The following ANO6 variants were observed in gnomAD, a reference collection of about 807,000 sequenced individuals.
ANO6 encodes the protein anoctamin-6.
In ANO6, 106 loss-of-function variants were observed where a neutral mutation model predicts 117.5. That is an observed-to-expected ratio of 0.90 (90% CI 0.77 to 1.06). The LOEUF (loss-of-function observed/expected upper bound fraction) is 1.06, where lower values mean the gene tolerates loss of function less well. ANO6 is among the 50% of genes least tolerant of loss of function. The probability of loss-of-function intolerance (pLI) is 0.00; values close to 1 mark genes in which losing one functional copy is unlikely to be tolerated. For synonymous variants in ANO6, 367 were observed against 385.1 expected, an observed-to-expected ratio of 0.95 and a Z score of 0.55; for missense variants, 955 against 1,121.1, an observed-to-expected ratio of 0.85 and a Z score of 2.12.
chr12:45,284,848 GAAACCAC>G (rs1361471807), intron 1 of ANO6, among the ~76,000 whole-genome samples: 1 of 152,314 alleles, frequency 6.6e-6, no homozygotes, highest in East Asian at 1.9e-4. Context: ...GGCCTCAGAT[GAAACCAC>G]AAAGGACCAG....
intron 6 of ANO6, among the ~76,000 whole-genome samples, chr12:45,350,316 G>A (rs769374842): frequency 6.6e-6 from 1 of 152,072 alleles, no homozygotes; most frequent in Non-Finnish European, 1.5e-5. Flanking sequence ...TGTTCCTCTG[G>A]TGTGGTGATT....
intron 1 of ANO6, among the ~76,000 whole-genome samples, chr12:45,236,859 T>C (rs961297443): frequency 1.3e-5 from 2 of 152,224 alleles, no homozygotes; most frequent in African/African-American, 4.8e-5. Context: ...TGTAAAAGTA[T>C]TCCTATTTCT....
At chr12:45,241,338 A>T (rs1947740381) in intron 1 of ANO6, among the ~76,000 whole-genome samples, 1 of 152,198 alleles carries the variant, frequency 6.6e-6, no homozygotes, top group African/African-American at 2.4e-5. Flanking sequence ...CCACTTGATC[A>T]AATCAGCTAT....
intron 3 of ANO6, among the ~76,000 whole-genome samples, chr12:45,337,848 CAT>C (rs201105625): frequency 0.013 from 2,031 of 151,878 alleles, 39 homozygotes; most frequent in African/African-American, 0.047. Flanking sequence ...TTTTGGCTTC[CAT>C]TATATATGCA....
In ANO6 at chr12:45,341,521, G is replaced by A. The variant is rs75219403; in HGVS notation, c.280-5501G>A. 3.4e-3 allele frequency among the ~76,000 whole-genome samples: 517 copies of A among 152,248 alleles called. 9 individuals carry two copies. The highest frequency in any genetic ancestry group is 0.029 in the East Asian group (150 of 5,182). ...TCATATGTGCTATACATTCTCATCA[G>A]TGACCTACCTTATAATAGACATGAG... On this transcript the variant is annotated intron_variant, in intron 3 of 19. Transcript: ENST00000320560.
rs549109622 is a variant in ANO6 at position 45,415,377 on chromosome 12, T to G, written c.2012-1322T>G. Among the ~76,000 whole-genome samples, 52 of 152,354 alleles carry G rather than the reference T, an allele frequency of 3.4e-4. No homozygotes were observed. In the South Asian group the frequency reaches 0.011, roughly 31 times the overall value. On this transcript the variant is annotated intron_variant, in intron 16 of 19. Transcript: ENST00000320560. ...CATAATCCTAATCTCTGGCTTCTCT[T>G]GAACAATCAGGAGATCTGGCAACAT... is the stretch of plus-strand genomic sequence containing the variant.
rs550630045 is a variant in ANO6, at chr12:45,430,542, T to C, written c.*1231T>C. Reference sequence around the variant, plus strand: ...ATTTGATGTAACTGTCTGATTGTACTAGAGACAGGAGTATACCCAGCTTAT... The same window carrying C: ...ATTTGATGTAACTGTCTGATTGTACCAGAGACAGGAGTATACCCAGCTTAT... On this transcript the variant is annotated 3_prime_UTR_variant, in exon 20 of 20. Transcript: ENST00000320560. 26 of 985,450 alleles carry C rather than the reference T, an allele frequency of 2.6e-5. No homozygotes were observed. Among genetic ancestry groups the C allele is most frequent in the Non-Finnish European group, 3.0e-5 (25 of 829,938 alleles). The allele number at this position is 985,450 out of a possible 1,614,324, so 61.0% of individuals were successfully genotyped here.
intron 19 of ANO6, among the ~76,000 whole-genome samples, chr12:45,438,347 G>A (rs563962080): frequency 6.6e-6 from 1 of 151,996 alleles, no homozygotes; most frequent in African/African-American, 2.4e-5. Flanking sequence ...GGAAATCCTG[G>A]AGTCCCAGAA....
At chr12:45,423,993 C>G (rs1943431202) in intron 19 of ANO6, among the ~76,000 whole-genome samples, 1 of 151,674 alleles carries the variant, frequency 6.6e-6, no homozygotes, top group South Asian at 2.1e-4. Flanking sequence ...GTGGGGTAGA[C>G]TACCTGGATT....
intron 1 of ANO6, among the ~76,000 whole-genome samples, chr12:45,265,141 T>G (rs1938172067): frequency 6.6e-6 from 1 of 152,190 alleles, no homozygotes; most frequent in Non-Finnish European, 1.5e-5. Flanking sequence ...TCCATTAATT[T>G]TGTGTTTCAA....
chr12:45,381,642 A>G (rs558472350), intron 10 of ANO6, among the ~76,000 whole-genome samples: 41 of 152,286 alleles, frequency 2.7e-4, no homozygotes, highest in African/African-American at 9.9e-4. Flanking sequence ...TGTCGCTGCA[A>G]TTCCCAGGGG....
At chr12:45,439,283 A>G (rs1444954455) in intron 19 of ANO6, among the ~76,000 whole-genome samples, 1 of 152,212 alleles carries the variant, frequency 6.6e-6, no homozygotes, top group East Asian at 1.9e-4. Flanking sequence ...GGTCACACAG[A>G]GGCCAACGCA....
intron 19 of ANO6, among the ~76,000 whole-genome samples, chr12:45,428,439 CCT>C (rs1372698352): frequency 1.3e-5 from 2 of 152,066 alleles, no homozygotes; most frequent in African/African-American, 4.8e-5. Flanking sequence ...ATAGCGAGAC[CCT>C]GTTTCTACAA....
At chr12:45,373,643 A>G (rs1272521578) in intron 9 of ANO6, among the ~76,000 whole-genome samples, 1 of 152,172 alleles carries the variant, frequency 6.6e-6, no homozygotes, top group Non-Finnish European at 1.5e-5. Flanking sequence ...GGCAGAAATA[A>G]AGATGTTCTT....
At chr12:45,282,145 A>T (rs999282672) in intron 1 of ANO6, among the ~76,000 whole-genome samples, 1 of 152,190 alleles carries the variant, frequency 6.6e-6, no homozygotes, top group Non-Finnish European at 1.5e-5. Flanking sequence ...AATATTGAAG[A>T]ACAGCTTTGA....
intron 12 of ANO6, 39 bp downstream of exon 12, chr12:45,390,537 G>A (rs749072270): frequency 6.4e-7 from 1 of 1,555,156 alleles, no homozygotes; most frequent in Non-Finnish European, 8.9e-7. Context: ...GATTAAAAAT[G>A]TTTTTATTAT....
chr12:45,318,663 A>G (rs901907547), intron 2 of ANO6, among the ~76,000 whole-genome samples: 3 of 152,136 alleles, frequency 2.0e-5, no homozygotes, highest in Admixed American at 6.6e-5. Flanking sequence ...CTGTGAAGAA[A>G]GTCATTGGTA....
intron 16 of ANO6, among the ~76,000 whole-genome samples, chr12:45,412,493 C>G (rs2137668228): frequency 6.6e-6 from 1 of 152,244 alleles, no homozygotes; most frequent in South Asian, 2.1e-4. Context: ...CTCCTCGTAC[C>G]CCTTTCTTTT....
intron 1 of ANO6, among the ~76,000 whole-genome samples, chr12:45,261,519 A>G (rs771994524): frequency 2.6e-5 from 4 of 152,238 alleles, no homozygotes; most frequent in Admixed American, 6.5e-5. Context: ...TTGTGGGACA[A>G]CTGAGGCCAG....
Sources: allele counts gnomAD v4.1 joint callset (sites outside exome capture counted in the v4.1 genomes callset), GRCh38; gene constraint gnomAD v4.1.1; transcripts MANE v1.5; gene names NCBI Gene and HGNC (gene_info 2026-07-23, HGNC 2026-07-21).